MAGI1: variants seen among roughly 807,000 people sequenced by gnomAD.
The protein encoded by MAGI1 is membrane-associated guanylate kinase, WW and PDZ domain-containing protein 1.
MAGI1 carries 58 observed loss-of-function variants against 139.9 expected under a neutral mutation model. The observed-to-expected ratio is 0.41, with a 90% CI of 0.34 to 0.52. The LOEUF is 0.52. MAGI1 is among the 20% of genes least tolerant of loss of function. MAGI1 has a pLI of 0.12. For synonymous variants in MAGI1, 812 were observed against 737.9 expected (o/e 1.10, Z -1.63); for missense variants, 1,874 against 1,901.6 (o/e 0.99, Z 0.27).
At chr3:65,505,537 C>T (rs1373140753) in intron 2 of MAGI1, among the ~76,000 whole-genome samples, 6 of 151,742 alleles carry the variant, frequency 4.0e-5, no homozygotes, top group Non-Finnish European at 5.9e-5. Flanking sequence ...CCCAGAAACT[C>T]GGGAGGCTGA....
intron 22 of MAGI1, among the ~76,000 whole-genome samples, chr3:65,358,012 TAA>T (rs1209242403): frequency 6.6e-6 from 1 of 152,132 alleles, no homozygotes; most frequent in Admixed American, 6.5e-5. Flanking sequence ...GGGGGTCAAA[TAA>T]AATTTTTGGT....
At chr3:65,436,212 AATT>A (rs151153738) in intron 10 of MAGI1, among the ~76,000 whole-genome samples, 7,351 of 152,174 alleles carry the variant, frequency 0.048, 596 homozygotes, top group African/African-American at 0.17. Context: ...TAAAGAAATG[AATT>A]ATTATTCTAC....
At chr3:65,814,926 T>C (rs910958523) in intron 1 of MAGI1, among the ~76,000 whole-genome samples, 2 of 152,210 alleles carry the variant, frequency 1.3e-5, no homozygotes, top group African/African-American at 4.8e-5. Context: ...AAAATACTAA[T>C]ATCTACAGAG....
intron 1 of MAGI1, among the ~76,000 whole-genome samples, chr3:65,744,509 G>A (rs548242182): frequency 6.6e-6 from 1 of 152,312 alleles, no homozygotes; most frequent in South Asian, 2.1e-4. Context: ...AATGAGTCTG[G>A]TTAGAATGAA....
At chr3:65,700,381 G>T (rs1050576182) in intron 1 of MAGI1, among the ~76,000 whole-genome samples, 1 of 152,028 alleles carries the variant, frequency 6.6e-6, no homozygotes, top group African/African-American at 2.4e-5. Context: ...CCAGGAGGCG[G>T]AGGTCACAAT....
At chr3:65,673,865 T>C (rs904581640) in intron 1 of MAGI1, among the ~76,000 whole-genome samples, 2 of 152,214 alleles carry the variant, frequency 1.3e-5, no homozygotes, top group Non-Finnish European at 2.9e-5. Flanking sequence ...TCTACTCAAG[T>C]TGGCAAAACA....
At chr3:65,660,744 A>G (rs2086146139) in intron 1 of MAGI1, among the ~76,000 whole-genome samples, 1 of 152,232 alleles carries the variant, frequency 6.6e-6, no homozygotes, top group African/African-American at 2.4e-5. Flanking sequence ...CAGATTAAAC[A>G]AATTCTGCTA....
intron 5 of MAGI1, among the ~76,000 whole-genome samples, chr3:65,469,162 A>G (rs930403486): frequency 6.6e-6 from 1 of 152,178 alleles, no homozygotes; most frequent in Admixed American, 6.5e-5. Context: ...ATGCTCACAG[A>G]GAATAGATGT....
At chr3:66,001,205 TA>T (rs2066720708) in intron 1 of MAGI1, among the ~76,000 whole-genome samples, 1 of 151,884 alleles carries the variant, frequency 6.6e-6, no homozygotes, top group South Asian at 2.1e-4. Flanking sequence ...GAAGAACAAG[TA>T]GGAATTGGTT....
chr3:65,504,001 C>A (rs2077182055), intron 2 of MAGI1, among the ~76,000 whole-genome samples: 1 of 152,134 alleles, frequency 6.6e-6, no homozygotes, highest in African/African-American at 2.4e-5. Flanking sequence ...TGTGAACCTT[C>A]CAGATTGTTG....
intron 12 of MAGI1, among the ~76,000 whole-genome samples, chr3:65,405,361 T>G (rs751620259): frequency 7.9e-5 from 12 of 152,196 alleles, no homozygotes; most frequent in Non-Finnish European, 1.5e-4. Flanking sequence ...TGGTGAAATT[T>G]TATAATGCTT....
intron 1 of MAGI1, among the ~76,000 whole-genome samples, chr3:65,917,645 G>T (rs1404975750): frequency 6.6e-6 from 1 of 152,310 alleles, no homozygotes; most frequent in Non-Finnish European, 1.5e-5. Flanking sequence ...ACACATGGAG[G>T]AAACTTACAA....
chr3:65,894,805 G>C (rs1385596225), intron 1 of MAGI1, among the ~76,000 whole-genome samples: 2 of 152,184 alleles, frequency 1.3e-5, no homozygotes, highest in African/African-American at 4.8e-5. Flanking sequence ...CTTTTGAAAA[G>C]GCCAATCCCA....
chr3:65,764,860 A>T (rs557270425), intron 1 of MAGI1, among the ~76,000 whole-genome samples: 1 of 152,336 alleles, frequency 6.6e-6, no homozygotes, highest in African/African-American at 2.4e-5. Flanking sequence ...TTTCTCCTAG[A>T]TATTTAAAAA....
At chr3:65,959,605 TTATTATTA>T (rs2064310927) in intron 1 of MAGI1, among the ~76,000 whole-genome samples, 4 of 85,278 alleles carry the variant, frequency 4.7e-5, no homozygotes, top group African/African-American at 1.4e-4. Context: ...AGCATTTTTA[TTATTATTA>T]TTATTATTAT....
chr3:65,949,838 C>G (rs1261392286), intron 1 of MAGI1, among the ~76,000 whole-genome samples: 4 of 151,944 alleles, frequency 2.6e-5, no homozygotes, highest in Non-Finnish European at 2.9e-5. Flanking sequence ...AATCCCAGCT[C>G]AAGAGTTTGA....
At chr3:65,637,798 C>A (rs2084731545) in intron 1 of MAGI1, among the ~76,000 whole-genome samples, 1 of 152,150 alleles carries the variant, frequency 6.6e-6, no homozygotes, top group African/African-American at 2.4e-5. Flanking sequence ...AGACACTGCT[C>A]CATCAGTGTC....
intron 2 of MAGI1, among the ~76,000 whole-genome samples, chr3:65,545,681 T>C (rs1415180880): frequency 6.6e-6 from 1 of 152,076 alleles, no homozygotes; most frequent in East Asian, 1.9e-4. Flanking sequence ...CAGAGGTCCA[T>C]GAAGACTTCT....
chr3:65,787,330 T>A (rs2039464386), intron 1 of MAGI1, among the ~76,000 whole-genome samples: 1 of 151,930 alleles, frequency 6.6e-6, no homozygotes, highest in African/African-American at 2.4e-5. Flanking sequence ...AGCAACATAG[T>A]ATAAAAGAAA....
Sources: gnomAD v4.1 joint callset for allele counts (sites outside exome capture counted in the v4.1 genomes callset) on GRCh38, gnomAD v4.1.1 for gene constraint, MANE v1.5 for transcripts, NCBI Gene and HGNC (gene_info 2026-07-23, HGNC 2026-07-21) for gene names.